The following SHANK2 variants were observed in gnomAD, a reference collection of about 807,000 sequenced individuals.
SHANK2 encodes SH3 and multiple ankyrin repeat domains 2, also known as SH3 and multiple ankyrin repeat domains protein 2.
A neutral mutation model predicts 133.7 loss-of-function variants in SHANK2; 43 were observed. The ratio of observed to expected loss-of-function variants is 0.32; its 90% CI spans 0.25 to 0.41. SHANK2 has a LOEUF of 0.41. Among genes scored for constraint, SHANK2 ranks in the 10% least tolerant of loss-of-function variants. SHANK2 has a pLI of 1.00. For synonymous variants in SHANK2, 1,017 were observed against 952.8 expected (o/e 1.07, Z -1.24); for missense variants, 1,994 against 2,235.8 (o/e 0.89, Z 2.18).
intron 4 of SHANK2, among the ~76,000 whole-genome samples, chr11:71,118,388 T>C (rs1267005571): frequency 6.6e-6 from 1 of 152,144 alleles, no homozygotes; most frequent in Non-Finnish European, 1.5e-5. Flanking sequence ...TCCATATGGC[T>C]GCGGAGGCCT....
At chr11:71,087,797 T>C (rs1374356467) in intron 8 of SHANK2, among the ~76,000 whole-genome samples, 3 of 152,132 alleles carry the variant, frequency 2.0e-5, no homozygotes, top group African/African-American at 7.2e-5. Flanking sequence ...ACTTGGCTAA[T>C]TTTTGTATTT....
rs781852235 is a variant in SHANK2, at chr11:70,500,731, G to A, written c.2288-141C>T. On this transcript the variant is annotated intron_variant, in intron 20 of 25. Transcript: ENST00000601538. This position sits in a 1 kb window ranked among gnomAD's most constrained non-coding sequence, Gnocchi z 4.5. ...GCGGCAGGCAGGGGCTGTCTGGAACGCTGCGAACGCAGGCTGCGCTATCCA... is the reference window on the plus strand; with the variant it reads ...GCGGCAGGCAGGGGCTGTCTGGAACACTGCGAACGCAGGCTGCGCTATCCA... 1.1e-5 allele frequency: 12 copies of A among 1,105,452 alleles called. No individual in the cohort carries two copies. Among genetic ancestry groups the A allele is most frequent in the South Asian group, 9.3e-5 (7 of 75,074 alleles). 68.5% of individuals were successfully genotyped at this position (1,105,452 alleles called of 1,614,324 possible).
intron 21 of SHANK2, chr11:70,497,032 A>G (rs1555157298): frequency 6.6e-6 from 3 of 456,710 alleles, no homozygotes; most frequent in Admixed American, 2.3e-5. Flanking sequence ...CTTTTGAACT[A>G]GAGCATGTGA....
In SHANK2 at chr11:71,147,345, G is replaced by A. The variant is rs1555106945; in HGVS notation, c.-12-7C>T. The A allele has an allele frequency of 2.6e-6, 4 of 1,540,520 alleles. No individual in the cohort carries two copies. The highest frequency in any genetic ancestry group is 2.6e-6 in the Non-Finnish European group (3 of 1,139,472). On this transcript the variant is annotated splice_polypyrimidine_tract_variant and splice_region_variant and intron_variant, in intron 2 of 25. Transcript: ENST00000601538. ...GCGGCATGGCTGCCTGTGTCTTCGA[G>A]GTGGGGAGAAGGAAGACAAAGAACG...
chr11:71,078,954 C>G (rs1008194863), intron 8 of SHANK2, among the ~76,000 whole-genome samples: 1 of 152,202 alleles, frequency 6.6e-6, no homozygotes, highest in Non-Finnish European at 1.5e-5. Flanking sequence ...CCATCCTGCC[C>G]TTGAATTCTT....
At chr11:70,566,862 G>C (rs1477502378) in intron 17 of SHANK2, among the ~76,000 whole-genome samples, 1 of 152,184 alleles carries the variant, frequency 6.6e-6, no homozygotes, top group Non-Finnish European at 1.5e-5. Flanking sequence ...CTGAATAATT[G>C]ATTGGAGCAG....
At chr11:71,162,946 G>A (rs868938865) in intron 2 of SHANK2, among the ~76,000 whole-genome samples, 4 of 151,310 alleles carry the variant, frequency 2.6e-5, no homozygotes, top group Middle Eastern at 3.4e-3. Flanking sequence ...GGTGGCGGAC[G>A]CCTGTAGTCC....
intron 11 of SHANK2, among the ~76,000 whole-genome samples, chr11:70,868,249 C>T (rs886187359): frequency 8.5e-5 from 13 of 152,106 alleles, no homozygotes; most frequent in African/African-American, 3.1e-4. Context: ...CTGAGGGGGT[C>T]GGCATACGGA....
chr11:70,534,238 A>C (rs1387328006), intron 17 of SHANK2, among the ~76,000 whole-genome samples: 2 of 152,192 alleles, frequency 1.3e-5, no homozygotes, highest in Non-Finnish European at 2.9e-5. Flanking sequence ...AAGGGGAAGC[A>C]AACACGTCCT....
At chr11:71,082,255 T>C (rs1373457895) in intron 8 of SHANK2, among the ~76,000 whole-genome samples, 3 of 152,182 alleles carry the variant, frequency 2.0e-5, no homozygotes, top group Non-Finnish European at 1.5e-5. Flanking sequence ...CTACCTGGCA[T>C]TGTGCTTACC....
At chr11:70,724,352 A>T (rs1279524466) in intron 14 of SHANK2, among the ~76,000 whole-genome samples, 2 of 152,026 alleles carry the variant, frequency 1.3e-5, no homozygotes, top group Non-Finnish European at 2.9e-5. Flanking sequence ...TCATTCTTAC[A>T]CTTTGCTCAG....
At chr11:71,184,025 G>C (rs1953621932) in intron 2 of SHANK2, among the ~76,000 whole-genome samples, 1 of 152,150 alleles carries the variant, frequency 6.6e-6, no homozygotes, top group African/African-American at 2.4e-5. Context: ...TGACTGGGGA[G>C]CACTAACTAG....
At chr11:71,248,546 G>A (rs534583440) in intron 1 of SHANK2, among the ~76,000 whole-genome samples, 8 of 152,302 alleles carry the variant, frequency 5.3e-5, no homozygotes, top group African/African-American at 1.4e-4. Context: ...GTAATGAATC[G>A]GAGCTGGCTC....
chr11:70,609,453 T>A (rs995096337), intron 17 of SHANK2, among the ~76,000 whole-genome samples: 4 of 152,144 alleles, frequency 2.6e-5, no homozygotes, highest in African/African-American at 9.7e-5. Context: ...AACCACCATG[T>A]GACCCAGTAA....
intron 8 of SHANK2, among the ~76,000 whole-genome samples, chr11:71,090,880 T>C (rs1269209856): frequency 6.6e-6 from 1 of 151,670 alleles, no homozygotes; most frequent in Non-Finnish European, 1.5e-5. Context: ...ATTCCTTCTT[T>C]CTTGGGATCT....
intron 14 of SHANK2, among the ~76,000 whole-genome samples, chr11:70,744,905 G>A (rs961664828): frequency 3.3e-5 from 5 of 152,162 alleles, no homozygotes; most frequent in African/African-American, 1.2e-4. Flanking sequence ...TTGAGTCCAG[G>A]TAGCCACTTC....
intron 17 of SHANK2, among the ~76,000 whole-genome samples, chr11:70,518,474 T>C (rs1420824671): frequency 6.6e-6 from 1 of 152,232 alleles, no homozygotes; most frequent in African/African-American, 2.4e-5. Flanking sequence ...GTACAGCTGG[T>C]TTACTTGACT....
Position 71,107,917 on chromosome 11 carries a change from C to T in SHANK2, c.592+2024G>A, listed in dbSNP as rs1292862000. 2.0e-5 allele frequency among the ~76,000 whole-genome samples: 3 copies of T among 152,218 alleles called. No individual in the cohort carries two copies. In the East Asian group the frequency reaches 5.8e-4, roughly 29 times the overall value. The stretch of plus-strand genomic sequence containing the variant: ...AGAGCAGCTCAGAGGGGACATCCAG[C>T]CTCCTTCTACTGCTGGCCAGGCCAA... On this transcript the variant is annotated intron_variant, in intron 6 of 25. Coordinates refer to ENST00000601538, the MANE Select transcript of SHANK2 (RefSeq NM_012309.5).
intron 9 of SHANK2, among the ~76,000 whole-genome samples, chr11:71,072,600 T>C (rs1951157980): frequency 6.6e-6 from 1 of 152,202 alleles, no homozygotes; most frequent in Non-Finnish European, 1.5e-5. Flanking sequence ...TGCTCATAGC[T>C]GCATTATCCA....
Sources: gnomAD v4.1 joint callset for allele counts (sites outside exome capture counted in the v4.1 genomes callset) on GRCh38, gnomAD v4.1.1 for gene constraint, Gnocchi (gnomAD v3.1) non-coding constraint, MANE v1.5 for transcripts, NCBI Gene and HGNC (gene_info 2026-07-23, HGNC 2026-07-21) for gene names.